Variants in RABGAP1L observed in about 807,000 individuals in gnomAD.
The protein encoded by RABGAP1L is rab GTPase-activating protein 1-like.
A neutral mutation model predicts 137.7 loss-of-function variants in RABGAP1L; 63 were observed. The ratio of observed to expected loss-of-function variants is 0.46; its 90% CI spans 0.37 to 0.56. RABGAP1L has a LOEUF of 0.56. Among genes scored for constraint, RABGAP1L ranks in the 20% least tolerant of loss-of-function variants. The pLI, the probability that RABGAP1L is intolerant of heterozygous loss-of-function variation, is 0.00. For missense variants in RABGAP1L, 1,095 were observed against 1,244.0 expected (o/e 0.88, Z 1.80); for synonymous variants, 431 against 433.7 (o/e 0.99, Z 0.08).
In RABGAP1L at chr1:174,176,732, A is replaced by AT. The variant is rs1293638994; in HGVS notation, c.-34+17075_-34+17076insT. On this transcript the variant is annotated intron_variant, in intron 1 of 25. Transcript: ENST00000681986. ...TTTTCAGAAAAAAAAAAAAAAAAAA[A>AT]AAAAAAAAAAAAAAGGTCAACATTT... Among the ~76,000 whole-genome samples the AT allele has an allele frequency of 9.8e-3, 1,356 of 138,092 alleles. 61 individuals carry two copies. Among genetic ancestry groups the AT allele is most frequent in the African/African-American group, 0.011 (402 of 36,434 alleles). 90.6% of individuals were successfully genotyped at this position (138,092 alleles called of 152,430 possible).
rs1331910792 is a variant in RABGAP1L at position 174,449,155 on chromosome 1, A to G, written c.1710+55010A>G. ...TGTGTGTGAAGGATCAGGAAGCACA[A>G]GAACCCAAACCTAGGAAACGGGCTA... On this transcript the variant is annotated intron_variant, in intron 13 of 25. Coordinates refer to ENST00000681986, the MANE Select transcript of RABGAP1L (RefSeq NM_001366446.1). The G allele has an allele frequency of 1.9e-6, 3 of 1,610,680 alleles. No individual in the cohort carries two copies. In the African/African-American group the frequency reaches 4.0e-5, roughly 22 times the overall value.
At chr1:174,646,615 C>G (rs1301120952) in intron 14 of RABGAP1L, among the ~76,000 whole-genome samples, 1 of 152,088 alleles carries the variant, frequency 6.6e-6, no homozygotes, top group Non-Finnish European at 1.5e-5. Context: ...TTACTGTAGC[C>G]TTGTATTATA....
intron 13 of RABGAP1L, among the ~76,000 whole-genome samples, chr1:174,527,204 G>GTTTTTTTTTTTTTTT (rs57011947): frequency 1.7e-5 from 2 of 119,660 alleles, no homozygotes; most frequent in Non-Finnish European, 3.4e-5. Context: ...TTTTTATTTT[G>GTTTTTTTTTTTTTTT]TTTTTTTTTT....
chr1:174,247,243 G>A (rs1342709098), intron 5 of RABGAP1L, among the ~76,000 whole-genome samples: 1 of 152,146 alleles, frequency 6.6e-6, no homozygotes, highest in Non-Finnish European at 1.5e-5. Context: ...AAATATGGCT[G>A]GGGTTTAACT....
chr1:174,946,001 A>C (rs1026925505), intron 19 of RABGAP1L: 1 of 150,810 alleles, frequency 6.6e-6, no homozygotes, highest in Non-Finnish European at 1.5e-5. Flanking sequence ...CAACCACCCC[A>C]GAGTCTATTT....
At chr1:174,726,584 T>G (rs1181785858) in intron 17 of RABGAP1L, among the ~76,000 whole-genome samples, 1 of 152,142 alleles carries the variant, frequency 6.6e-6, no homozygotes, top group Non-Finnish European at 1.5e-5. Context: ...CAAAATGAGG[T>G]CTTTTAATTT....
intron 13 of RABGAP1L, among the ~76,000 whole-genome samples, chr1:174,493,088 CAGTG>C (rs1171144080): frequency 6.6e-6 from 1 of 150,582 alleles, no homozygotes; most frequent in African/African-American, 2.5e-5. Context: ...AGACCAGGCA[CAGTG>C]ACTCACACCT....
intron 13 of RABGAP1L, among the ~76,000 whole-genome samples, chr1:174,588,985 C>A (rs576184614): frequency 6.6e-6 from 1 of 152,176 alleles, no homozygotes; most frequent in Non-Finnish European, 1.5e-5. Context: ...ATTGCTGGAT[C>A]ATATGGTGGT....
At chr1:174,403,495 T>A (rs2149108621) in intron 13 of RABGAP1L, among the ~76,000 whole-genome samples, 1 of 152,254 alleles carries the variant, frequency 6.6e-6, no homozygotes, top group South Asian at 2.1e-4. Flanking sequence ...TTTCATCATT[T>A]TTAAAGCAGG....
intron 25 of RABGAP1L, 76 bp downstream of exon 25, chr1:174,988,914 C>T (rs1671836735): frequency 7.6e-7 from 1 of 1,319,962 alleles, no homozygotes; most frequent in African/African-American, 1.5e-5. Context: ...CTTCAGAATA[C>T]ACCTATCTAG....
chr1:174,168,800 G>T (rs1187829084), intron 1 of RABGAP1L, among the ~76,000 whole-genome samples: 1 of 152,182 alleles, frequency 6.6e-6, no homozygotes, highest in African/African-American at 2.4e-5. Context: ...TTTTCAGCAT[G>T]AATTATGCAG....
At chr1:174,438,744 G>GTATGTATATATATATATA (rs1653754450) in intron 13 of RABGAP1L, among the ~76,000 whole-genome samples, 1 of 95,454 alleles carries the variant, frequency 1.0e-5, no homozygotes, top group African/African-American at 4.8e-5. Context: ...GTGTGTGTGT[G>GTATGTATATATATATATA]TATATATATA....
intron 14 of RABGAP1L, among the ~76,000 whole-genome samples, chr1:174,667,088 C>G (rs918639884): frequency 1.3e-5 from 2 of 151,886 alleles, no homozygotes; most frequent in African/African-American, 4.8e-5. Context: ...CCTATCAACT[C>G]TCTGTGTTTC....
intron 19 of RABGAP1L, among the ~76,000 whole-genome samples, chr1:174,909,686 C>G (rs1031839928): frequency 2.0e-5 from 3 of 152,066 alleles, no homozygotes; most frequent in Admixed American, 2.0e-4. Context: ...AAATCAGAAA[C>G]AAAAAAGGAA....
chr1:174,485,263 T>C (rs1312259454), intron 13 of RABGAP1L, among the ~76,000 whole-genome samples: 1 of 152,208 alleles, frequency 6.6e-6, no homozygotes, highest in Admixed American at 6.5e-5. Flanking sequence ...TTTTTTCAAA[T>C]GTAAGATTAT....
chr1:174,549,153 A>G (rs1279555596), intron 13 of RABGAP1L, among the ~76,000 whole-genome samples: 1 of 152,192 alleles, frequency 6.6e-6, no homozygotes, highest in Non-Finnish European at 1.5e-5. Context: ...CAGGAAAGCC[A>G]AAGGCTACTA....
At chr1:174,698,343 A>G (rs2148514641) in intron 15 of RABGAP1L, among the ~76,000 whole-genome samples, 1 of 152,302 alleles carries the variant, frequency 6.6e-6, no homozygotes, top group South Asian at 2.1e-4. Context: ...TTCAGATAAA[A>G]ATACCTCTGA....
At chr1:174,770,495 A>G (rs1163621736) in intron 18 of RABGAP1L, among the ~76,000 whole-genome samples, 1 of 152,210 alleles carries the variant, frequency 6.6e-6, no homozygotes, top group Non-Finnish European at 1.5e-5. Flanking sequence ...AATCCAAAAT[A>G]TCAAGAAGGG....
intron 19 of RABGAP1L, among the ~76,000 whole-genome samples, chr1:174,879,787 A>G (rs772009300): frequency 1.3e-5 from 2 of 152,144 alleles, no homozygotes; most frequent in Non-Finnish European, 2.9e-5. Flanking sequence ...CTGTAATATA[A>G]TCAATAAAAC....
Sources: gnomAD v4.1 joint callset for allele counts (sites outside exome capture counted in the v4.1 genomes callset) on GRCh38, gnomAD v4.1.1 for gene constraint, MANE v1.5 for transcripts, NCBI Gene and HGNC (gene_info 2026-07-23, HGNC 2026-07-21) for gene names.